The following PPP1R16B variants were observed in gnomAD, a reference collection of about 807,000 sequenced individuals.
PPP1R16B encodes the protein protein phosphatase 1 regulatory subunit 16B.
PPP1R16B carries 14 observed loss-of-function variants against 61.7 expected under a neutral mutation model. That is an observed-to-expected ratio of 0.23 (90% CI 0.15 to 0.35). PPP1R16B has a LOEUF of 0.35. PPP1R16B is among the 10% of genes least tolerant of loss of function. The pLI, the probability that PPP1R16B is intolerant of heterozygous loss-of-function variation, is 1.00. For synonymous variants in PPP1R16B, 266 were observed against 305.3 expected, an observed-to-expected ratio of 0.87 and a Z score of 1.34; for missense variants, 547 against 752.5, an observed-to-expected ratio of 0.73 and a Z score of 3.19.
intron 2 of PPP1R16B, among the ~76,000 whole-genome samples, chr20:38,881,603 A>G (rs988707507): frequency 6.6e-6 from 1 of 152,188 alleles, no homozygotes; most frequent in African/African-American, 2.4e-5. Context: ...TGCAGCAGGG[A>G]GACCGACAGA....
Position 38,907,696 on chromosome 20 carries a change from A to T in PPP1R16B, c.899-110A>T. The T allele has an allele frequency of 7.1e-7, 1 of 1,403,468 alleles. No homozygotes were observed. The highest frequency in any genetic ancestry group is 9.8e-7 in the Non-Finnish European group (1 of 1,022,338). The allele number at this position is 1,403,468 out of a possible 1,614,324, so 86.9% of individuals were successfully genotyped here. A position where few individuals can be genotyped will look rare whatever the true frequency, so the allele number is the denominator to read the frequency against. ...CTTGCCTCCCTGCATGCCCTGAAAG[A>T]TGCTTGGAGTTTTCAGTGGGTTGGG... On this transcript the variant is annotated intron_variant, in intron 8 of 10. Transcript: ENST00000299824. The surrounding 1 kb of genome is among the most constrained non-coding windows in gnomAD (Gnocchi z 4.5).
chr20:38,812,203 T>C (rs995995948), intron 1 of PPP1R16B, among the ~76,000 whole-genome samples: 3 of 152,192 alleles, frequency 2.0e-5, no homozygotes, highest in Non-Finnish European at 4.4e-5. Flanking sequence ...TTATCTGAAT[T>C]GTTCCTGCCA....
chr20:38,918,564 G>A lies in PPP1R16B; in HGVS notation c.1602G>A (p.Ser534=), dbSNP rs34350985. 2.8e-3 allele frequency: 4,362 copies of A among 1,556,334 alleles called. 25 individuals are homozygous for A. Among genetic ancestry groups the A allele is most frequent in the African/African-American group, 0.02 (1,482 of 73,444 alleles). ...RTSPYSSNGT[S]VYYTVTSGDP... The stretch of plus-strand genomic sequence containing the variant: ...CACCGTACAGCAGCAATGGGACCTC[G>A]GTATATTACACGGTCACCAGCGGAG... The change falls in exon 11 of 11, where the codon TCG becomes TCA. Residue 534 remains serine, a synonymous_variant. Transcript: ENST00000299824. This position sits in a 1 kb window ranked among gnomAD's most constrained non-coding sequence, Gnocchi z 5.3.
intron 2 of PPP1R16B, among the ~76,000 whole-genome samples, chr20:38,887,127 G>A (rs1478697520): frequency 6.6e-6 from 1 of 152,036 alleles, no homozygotes; most frequent in Non-Finnish European, 1.5e-5. Flanking sequence ...AATGGATGCT[G>A]GTGGATGGAT....
At chr20:38,830,497 A>G (rs545931591) in intron 1 of PPP1R16B, among the ~76,000 whole-genome samples, 2 of 152,364 alleles carry the variant, frequency 1.3e-5, no homozygotes, top group South Asian at 2.1e-4. Flanking sequence ...AGGAAATTTT[A>G]TATCACAACC....
intron 10 of PPP1R16B, among the ~76,000 whole-genome samples, chr20:38,912,096 C>CTT (rs35770847): frequency 0.028 from 3,503 of 127,364 alleles, 213 homozygotes; most frequent in African/African-American, 0.098. Context: ...TATAGTCAGT[C>CTT]TTTTTTTTTT....
At chr20:38,900,508 G>C (rs1008774037) in intron 4 of PPP1R16B, 73 bp from the exon 5 acceptor site, 32 of 1,194,888 alleles carry the variant, frequency 2.7e-5, no homozygotes, top group Non-Finnish European at 8.4e-6. Flanking sequence ...CAGGCGAGAG[G>C]CCAGAGGGCA....
intron 1 of PPP1R16B, among the ~76,000 whole-genome samples, chr20:38,809,427 G>A (rs768987684): frequency 3.9e-5 from 6 of 152,152 alleles, no homozygotes; most frequent in Non-Finnish European, 7.4e-5. Context: ...CAAGATGAAT[G>A]AGGCAGCTCT....
Position 38,889,611 on chromosome 20 carries a change from G to A in PPP1R16B, c.267G>A (p.Lys89=). The part of the protein sequence containing the change: ...NDAEEVRYFL[K]NKVSPDLCNE... ...CTATTGCAGTACGCTACTTCCTGAA[G>A]AATAAGGTCAGCCCTGATTTGTGCA... The change falls in exon 3 of 11, where the codon AAG becomes AAA. Residue 89 remains lysine (K), a synonymous_variant. Transcript: ENST00000299824. 2 of 1,593,724 alleles carry A rather than the reference G, an allele frequency of 1.3e-6. No individual in the cohort carries two copies. The highest frequency in any genetic ancestry group is 1.7e-6 in the Non-Finnish European group (2 of 1,161,328).
Position 38,861,673 on chromosome 20 carries a change from C to CTTT in PPP1R16B, c.250+25517_250+25519dup, listed in dbSNP as rs869187206. ...TGGGCCCTGGCCTGCTGCAGTTCTT[C>CTTT]TTTTTTTTTTTTTTTTTTTTTGAGA... On this transcript the variant is annotated intron_variant, in intron 2 of 10. Coordinates refer to ENST00000299824, the MANE Select transcript of PPP1R16B (RefSeq NM_015568.4). Among the ~76,000 whole-genome samples, 1,128 of 125,334 alleles carry CTTT rather than the reference C, an allele frequency of 9.0e-3. 24 individuals are homozygous for CTTT. Among genetic ancestry groups the CTTT allele is most frequent in the African/African-American group, 0.027 (865 of 31,514 alleles). The allele number at this position is 125,334 out of a possible 152,430, so 82.2% of individuals were successfully genotyped here. A position where few individuals can be genotyped will look rare whatever the true frequency, so the allele number is the denominator to read the frequency against.
chr20:38,865,894 G>A (rs62202533), intron 2 of PPP1R16B, among the ~76,000 whole-genome samples: 1 of 152,108 alleles, frequency 6.6e-6, no homozygotes, highest in Non-Finnish European at 1.5e-5. Flanking sequence ...GAGAGGCCGA[G>A]TTGGGCGGAT....
chr20:38,912,271 T>G (rs1138780), intron 10 of PPP1R16B, among the ~76,000 whole-genome samples: 4,688 of 151,780 alleles, frequency 0.031, 131 homozygotes, highest in Non-Finnish European at 0.044. Context: ...AGCTAATTTT[T>G]GTGTTTTAGT....
chr20:38,910,129 C>A (rs1382665211), intron 10 of PPP1R16B, among the ~76,000 whole-genome samples: 3 of 151,982 alleles, frequency 2.0e-5, no homozygotes, highest in African/African-American at 7.3e-5. Flanking sequence ...CTAGTGCCCG[C>A]CACGACGCCT....
At chr20:38,860,453 T>G (rs2085041217) in intron 2 of PPP1R16B, among the ~76,000 whole-genome samples, 1 of 152,242 alleles carries the variant, frequency 6.6e-6, no homozygotes, top group South Asian at 2.1e-4. Flanking sequence ...TTGATTCAGA[T>G]TAGCCATATT....
At chr20:38,849,822 C>T (rs1370989962) in intron 2 of PPP1R16B, among the ~76,000 whole-genome samples, 1 of 152,098 alleles carries the variant, frequency 6.6e-6, no homozygotes, top group South Asian at 2.1e-4. Flanking sequence ...TTACCAGCAC[C>T]CCAAAAGTCT....
At chr20:38,866,804 C>T (rs1042610094) in intron 2 of PPP1R16B, among the ~76,000 whole-genome samples, 1 of 152,148 alleles carries the variant, frequency 6.6e-6, no homozygotes, top group Non-Finnish European at 1.5e-5. Context: ...TAAAAGTGTA[C>T]AATTTAGTGG....
At chr20:38,916,467 C>T (rs2085541893) in intron 10 of PPP1R16B, among the ~76,000 whole-genome samples, 1 of 150,564 alleles carries the variant, frequency 6.6e-6, no homozygotes, top group African/African-American at 2.4e-5. Flanking sequence ...ATATCTTGGA[C>T]ATCTTTCCAT....
At chr20:38,896,776 C>T (rs1374006327) in intron 4 of PPP1R16B, among the ~76,000 whole-genome samples, 3 of 152,154 alleles carry the variant, frequency 2.0e-5, no homozygotes, top group Non-Finnish European at 4.4e-5. Context: ...CCATTCCCTG[C>T]CTACCCCTGG....
chr20:38,880,558 A>T (rs970574163), intron 2 of PPP1R16B, among the ~76,000 whole-genome samples: 1 of 152,154 alleles, frequency 6.6e-6, no homozygotes, highest in South Asian at 2.1e-4. Flanking sequence ...ACTCCCAGCT[A>T]CTTAGGAGGC....
Sources: gnomAD v4.1 joint callset for allele counts (sites outside exome capture counted in the v4.1 genomes callset) on GRCh38, gnomAD v4.1.1 for gene constraint, Gnocchi (gnomAD v3.1) non-coding constraint, MANE v1.5 for transcripts, NCBI Gene and HGNC (gene_info 2026-07-23, HGNC 2026-07-21) for gene names.